Variants in UBXN11 observed in about 807,000 individuals in gnomAD.
UBXN11 encodes UBX domain-containing protein 11.
A neutral mutation model predicts 62.8 loss-of-function variants in UBXN11; 47 were observed. The observed-to-expected ratio is 0.75, with a 90% CI of 0.59 to 0.95. UBXN11 has a LOEUF of 0.95. Ranked by LOEUF, UBXN11 falls within the 40% of genes least tolerant of loss-of-function variation. The pLI, the probability that UBXN11 is intolerant of heterozygous loss-of-function variation, is 0.00. For synonymous variants in UBXN11, 294 were observed against 267.0 expected, an observed-to-expected ratio of 1.10 and a Z score of -0.99; for missense variants, 638 against 661.7, an observed-to-expected ratio of 0.96 and a Z score of 0.39.
chr1:26,298,201 T>A, intron 4 of UBXN11, 139 bp from the exon 5 acceptor site: 1 of 793,086 alleles, frequency 1.3e-6, no homozygotes, highest in Non-Finnish European at 2.0e-6. Flanking sequence ...GGAACTGTTC[T>A]AAACACTTCA....
At chr1:26,292,985 C>T (rs2124649429) in intron 8 of UBXN11, among the ~76,000 whole-genome samples, 1 of 152,244 alleles carries the variant, frequency 6.6e-6, no homozygotes, top group Non-Finnish European at 1.5e-5. Flanking sequence ...AGGCAGGATT[C>T]TCATGTTTGG....
chr1:26,294,131 G>A, intron 8 of UBXN11, 74 bp downstream of exon 8: 1 of 1,582,824 alleles, frequency 6.3e-7, no homozygotes. Context: ...TAGGCCTCTG[G>A]GGAGCTGCCG....
chr1:26,290,787 G>A (rs1247946408), intron 8 of UBXN11, among the ~76,000 whole-genome samples: 1 of 150,870 alleles, frequency 6.6e-6, no homozygotes, highest in Non-Finnish European at 1.5e-5. Flanking sequence ...ATGAGAGGGT[G>A]AGGATTCTCA....
intron 8 of UBXN11, among the ~76,000 whole-genome samples, chr1:26,293,441 T>C (rs903019522): frequency 3.3e-5 from 5 of 151,846 alleles, no homozygotes; most frequent in African/African-American, 1.2e-4. Context: ...AAATAAGACA[T>C]GGTAGGCCAG....
At chr1:26,285,168 T>C in intron 10 of UBXN11, 1 of 1,191,816 alleles carries the variant, frequency 8.4e-7, no homozygotes, top group Non-Finnish European at 1.1e-6. Flanking sequence ...GGGCCACTTC[T>C]GCAGGGACCC....
rs759680539 is a variant in UBXN11 at position 26,298,002 on chromosome 1, T to C, written c.260A>G (p.Glu87Gly). The C allele has an allele frequency of 6.2e-7, 1 of 1,614,010 alleles. No homozygotes were observed. The highest frequency in any genetic ancestry group is 1.7e-5 in the Admixed American group (1 of 60,016). Residue 87 changes from glutamate (E) to glycine (G), a missense_variant, in exon 5 of 15, where the codon GAG (glutamate) becomes GGG (glycine). Coordinates refer to ENST00000374222, the MANE Select transcript of UBXN11 (RefSeq NM_001389556.1). The part of the protein sequence containing the change: ...AFMTRKLWDL[E>G]QQVKAQTDEI... ...ATCAGTCTGGGCCTTCACCTGCTGCTCCAGGTCCCACAACTTCCTCGTCAT... is the reference window on the plus strand; with the variant it reads ...ATCAGTCTGGGCCTTCACCTGCTGCCCCAGGTCCCACAACTTCCTCGTCAT...
chr1:26,292,769 G>A lies in UBXN11; in HGVS notation c.559+1436C>T, dbSNP rs192391408. Among the ~76,000 whole-genome samples, 23 of 151,966 alleles carry A rather than the reference G, an allele frequency of 1.5e-4. No individual in the cohort carries two copies. In the East Asian group the frequency reaches 3.1e-3, roughly 21 times the overall value. ...CTCAGGAGGCTGAGGCAGGAGAATCGCTTGAACCCAGGAGGCAGAGGTTGC... is the reference window on the plus strand; with the variant it reads ...CTCAGGAGGCTGAGGCAGGAGAATCACTTGAACCCAGGAGGCAGAGGTTGC... On this transcript the variant is annotated intron_variant, in intron 8 of 14. Transcript: ENST00000374222.
In UBXN11 at chr1:26,282,470, T is replaced by C; in HGVS notation, c.1392A>G (p.Lys464=). The change falls in exon 15 of 15, where the codon AAA becomes AAG. Residue 464 remains lysine, a synonymous_variant. Transcript: ENST00000374222. ...GGCGTGCCCGCAGCAGCAGTGCTGC[T>C]TTGGGCACAAGGCCTGCAGCCTGCA... ...LTLQAAGLVP[K]AALLLRARRA... is the part of the protein sequence containing the mutation. 1 of 1,611,144 alleles carries C rather than the reference T, an allele frequency of 6.2e-7. No individual in the cohort carries two copies. The highest frequency in any genetic ancestry group is 8.5e-7 in the Non-Finnish European group (1 of 1,178,830).
chr1:26,306,294 C>A (rs1227924744), intron 1 of UBXN11: 1 of 152,366 alleles, frequency 6.6e-6, no homozygotes, highest in African/African-American at 2.4e-5. Flanking sequence ...TCACAACATT[C>A]TTCTTCACAC....
chr1:26,301,679 G>C lies in UBXN11; in HGVS notation c.100+15C>G. 1 of 1,613,802 alleles carries C rather than the reference G, an allele frequency of 6.2e-7. No homozygotes were observed. Among genetic ancestry groups the C allele is most frequent in the Non-Finnish European group, 8.5e-7 (1 of 1,179,870 alleles). Reference sequence around the variant, plus strand: ...CATGAGAGGCGAAGAGGGCACGAGGGCGGGGCACACTTACCATCTCCATAG... The same window carrying C: ...CATGAGAGGCGAAGAGGGCACGAGGCCGGGGCACACTTACCATCTCCATAG... On this transcript the variant is annotated intron_variant, in intron 3 of 14. Coordinates refer to ENST00000374222, the MANE Select transcript of UBXN11 (RefSeq NM_001389556.1).
chr1:26,294,471 G>A (rs1292470699), intron 7 of UBXN11, 140 bp from the exon 8 acceptor site: 2 of 1,321,970 alleles, frequency 1.5e-6, no homozygotes, highest in Non-Finnish European at 2.0e-6. Flanking sequence ...TGAGTAGGGG[G>A]ATCTTGCCAT....
upstream of UBXN11, among the ~76,000 whole-genome samples, chr1:26,307,488 A>AATC (rs949075095): frequency 1.1e-5 from 1 of 92,024 alleles, no homozygotes; most frequent in African/African-American, 2.9e-5. Context: ...TCCTGCTGTT[A>AATC]ATCATCATCA....
chr1:26,291,149 C>T lies in UBXN11; in HGVS notation c.559+3056G>A, dbSNP rs546986702. Among the ~76,000 whole-genome samples the T allele has an allele frequency of 5.9e-5, 9 of 152,298 alleles. No individual in the cohort carries two copies. The East Asian group carries it at 1.7e-3, about 29-fold the overall frequency. Reference sequence around the variant, plus strand: ...CTGGCTCACCCTCCACAGGCCTCCACCCCAGCGCCTGTGGGAGCCTCTCCA... The same window carrying T: ...CTGGCTCACCCTCCACAGGCCTCCATCCCAGCGCCTGTGGGAGCCTCTCCA... On this transcript the variant is annotated intron_variant, in intron 8 of 14. Coordinates refer to ENST00000374222, the MANE Select transcript of UBXN11 (RefSeq NM_001389556.1).
intron 3 of UBXN11, 72 bp downstream of exon 3, chr1:26,301,622 C>T: frequency 6.3e-7 from 1 of 1,591,102 alleles, no homozygotes; most frequent in Non-Finnish European, 8.6e-7. Context: ...TGTGATTTCT[C>T]TCCATCGGTC....
upstream of UBXN11, among the ~76,000 whole-genome samples, chr1:26,308,072 G>A (rs1412622747): frequency 6.6e-6 from 1 of 152,164 alleles, no homozygotes; most frequent in African/African-American, 2.4e-5. Flanking sequence ...TTCGAGACCA[G>A]CCTGACCAAC....
upstream of UBXN11, among the ~76,000 whole-genome samples, chr1:26,311,503 C>T (rs931529563): frequency 3.3e-5 from 5 of 150,884 alleles, no homozygotes; most frequent in South Asian, 2.1e-4. Context: ...AGTGCAGTGG[C>T]GCGATCTTGG....
At chr1:26,316,670 T>A (rs2073797952) in intron 1 of UBXN11, among the ~76,000 whole-genome samples, 1 of 152,090 alleles carries the variant, frequency 6.6e-6, no homozygotes, top group African/African-American at 2.4e-5. Context: ...ACCAGTCAAA[T>A]GGGGATAAAC....
chr1:26,291,705 T>C (rs983282589), intron 8 of UBXN11, among the ~76,000 whole-genome samples: 1 of 152,274 alleles, frequency 6.6e-6, no homozygotes, highest in Admixed American at 6.5e-5. Context: ...AGATCCAGGA[T>C]AGACATTCTC....
Position 26,284,392 on chromosome 1 carries a change from T to C in UBXN11, c.943A>G (p.Lys315Glu). 6.2e-7 allele frequency: 1 copy of C among 1,614,036 alleles called. No homozygotes were observed. Among genetic ancestry groups the C allele is most frequent in the Non-Finnish European group, 8.5e-7 (1 of 1,179,924 alleles). Reference sequence around the variant, plus strand: ...TGCTCCTCCACCCTGTCCAAGGCCTTGTGCATCAGCTGCCTGCCCACCACA... The same window carrying C: ...TGCTCCTCCACCCTGTCCAAGGCCTCGTGCATCAGCTGCCTGCCCACCACA... The part of the protein sequence containing the change: ...GRVVGRQLMH[K>E]ALDRVEEHPG... The change falls in exon 11 of 15, where the codon AAG (lysine) becomes GAG (glutamate). Residue 315 changes from lysine to glutamate, a missense_variant. Lys to Glu is a moderately conservative substitution (Grantham distance 56). Transcript: ENST00000374222.
Sources: gnomAD v4.1 joint callset for allele counts (sites outside exome capture counted in the v4.1 genomes callset) on GRCh38, gnomAD v4.1.1 for gene constraint, MANE v1.5 for transcripts, NCBI Gene and HGNC (gene_info 2026-07-23, HGNC 2026-07-21) for gene names.